The following HS3ST4 variants were observed in gnomAD, a reference collection of about 807,000 sequenced individuals.
HS3ST4 encodes heparan sulfate glucosamine 3-O-sulfotransferase 4.
A neutral mutation model predicts 29.2 loss-of-function variants in HS3ST4; 17 were observed. That is an observed-to-expected ratio of 0.58 (90% CI 0.40 to 0.87). HS3ST4 has a LOEUF of 0.87. Ranked by LOEUF, HS3ST4 falls within the 40% of genes least tolerant of loss-of-function variation. The pLI, the probability that HS3ST4 is intolerant of heterozygous loss-of-function variation, is 0.00. For missense variants in HS3ST4, 627 were observed against 634.5 expected (o/e 0.99, Z 0.13); for synonymous variants, 314 against 285.7 (o/e 1.10, Z -1.00).
chr16:26,084,592 C>T (rs573352139), intron 1 of HS3ST4, among the ~76,000 whole-genome samples: 1 of 152,076 alleles, frequency 6.6e-6, no homozygotes, highest in Non-Finnish European at 1.5e-5. Flanking sequence ...CTTATTGTGC[C>T]AATCAAATGG....
At chr16:25,868,755 C>G (rs74014131) in intron 1 of HS3ST4, among the ~76,000 whole-genome samples, 2,515 of 152,248 alleles carry the variant, frequency 0.017, 72 homozygotes, top group African/African-American at 0.056. Context: ...CCTCGTTAAC[C>G]TGTAGTCATT....
chr16:26,058,807 G>A (rs1898442088), intron 1 of HS3ST4, among the ~76,000 whole-genome samples: 1 of 152,194 alleles, frequency 6.6e-6, no homozygotes, highest in Non-Finnish European at 1.5e-5. Context: ...GCGGAAACAG[G>A]CCCAGAGAGG....
intron 1 of HS3ST4, among the ~76,000 whole-genome samples, chr16:25,949,779 G>C (rs1303992772): frequency 6.6e-6 from 1 of 152,148 alleles, no homozygotes; most frequent in East Asian, 1.9e-4. Context: ...TGGGGAATAA[G>C]GAATTTGATC....
intron 1 of HS3ST4, among the ~76,000 whole-genome samples, chr16:25,827,041 C>T (rs1422921111): frequency 6.6e-6 from 1 of 151,958 alleles, no homozygotes; most frequent in Non-Finnish European, 1.5e-5. Flanking sequence ...TATATGGACT[C>T]AAAGATAGAA....
At position 26,136,805 on chromosome 16, in the gene HS3ST4, C is replaced by A; in HGVS notation, c.*557C>A. The A allele has an allele frequency of 6.4e-6, 1 of 155,364 alleles. No homozygotes were observed. Among genetic ancestry groups the A allele is most frequent in the Non-Finnish European group, 1.4e-5 (1 of 70,012 alleles). The allele number at this position is 155,364 out of a possible 1,614,324, so 9.6% of individuals were successfully genotyped here. On this transcript the variant is annotated 3_prime_UTR_variant, in exon 2 of 2. Transcript: ENST00000331351. ...CTTTAAAGGTCTCATCCCACAACCC[C>A]TGACTTCCTCCCTCCCCACATCATG... is the stretch of plus-strand genomic sequence containing the variant.
intron 1 of HS3ST4, among the ~76,000 whole-genome samples, chr16:26,065,662 C>T (rs1247302756): frequency 6.6e-6 from 1 of 152,004 alleles, no homozygotes; most frequent in Non-Finnish European, 1.5e-5. Flanking sequence ...AAATATGGTC[C>T]AGTAAGTTTG....
chr16:25,851,263 T>A (rs1967519077), intron 1 of HS3ST4, among the ~76,000 whole-genome samples: 1 of 152,218 alleles, frequency 6.6e-6, no homozygotes, highest in Non-Finnish European at 1.5e-5. Context: ...CTGTTTCATT[T>A]TGTGTTTATT....
chr16:25,776,272 A>G (rs573996136), intron 1 of HS3ST4, among the ~76,000 whole-genome samples: 119 of 152,320 alleles, frequency 7.8e-4, no homozygotes, highest in Non-Finnish European at 1.6e-3. Context: ...GTTAAAGGGA[A>G]AAGTCAACCT....
intron 1 of HS3ST4, among the ~76,000 whole-genome samples, chr16:25,892,173 ATG>A (rs1219825506): frequency 6.6e-6 from 1 of 152,132 alleles, no homozygotes; most frequent in Non-Finnish European, 1.5e-5. Context: ...CCTCAAAAGA[ATG>A]TGAGATGAGA....
intron 1 of HS3ST4, among the ~76,000 whole-genome samples, chr16:26,114,260 A>G (rs1899172741): frequency 6.6e-6 from 1 of 152,332 alleles, no homozygotes; most frequent in African/African-American, 2.4e-5. Context: ...TCCAGCCAGC[A>G]GACCCTTCCT....
chr16:25,787,382 G>A (rs576928352), intron 1 of HS3ST4, among the ~76,000 whole-genome samples: 1 of 152,304 alleles, frequency 6.6e-6, no homozygotes, highest in East Asian at 1.9e-4. Context: ...ACCAGCATGG[G>A]GATTAAAAGA....
At chr16:25,944,704 C>CT (rs1344233060) in intron 1 of HS3ST4, among the ~76,000 whole-genome samples, 2 of 152,152 alleles carry the variant, frequency 1.3e-5, no homozygotes, top group African/African-American at 4.8e-5. Context: ...TCCCAAGACT[C>CT]TCCCTCTCTA....
intron 1 of HS3ST4, among the ~76,000 whole-genome samples, chr16:25,992,188 C>T (rs1969120198): frequency 6.6e-6 from 1 of 152,200 alleles, no homozygotes; most frequent in African/African-American, 2.4e-5. Flanking sequence ...ATATTTATGA[C>T]TACCCTTTGA....
chr16:26,131,744 G>A (rs1280050785), intron 1 of HS3ST4, among the ~76,000 whole-genome samples: 1 of 152,174 alleles, frequency 6.6e-6, no homozygotes, highest in Non-Finnish European at 1.5e-5. Flanking sequence ...CCAGGTGAGA[G>A]ATGAAAGTGG....
intron 1 of HS3ST4, among the ~76,000 whole-genome samples, chr16:26,013,820 C>T (rs970124477): frequency 6.6e-6 from 1 of 151,824 alleles, no homozygotes; most frequent in Non-Finnish European, 1.5e-5. Flanking sequence ...CCATCCTGGC[C>T]AACATGGTGA....
chr16:25,979,667 G>A (rs901790325), intron 1 of HS3ST4, among the ~76,000 whole-genome samples: 6 of 152,136 alleles, frequency 3.9e-5, no homozygotes, highest in African/African-American at 7.2e-5. Flanking sequence ...ATATTACAAC[G>A]TAAAATAGAA....
intron 1 of HS3ST4, among the ~76,000 whole-genome samples, chr16:26,021,485 A>G (rs1400591320): frequency 2.0e-5 from 3 of 152,156 alleles, no homozygotes; most frequent in Non-Finnish European, 4.4e-5. Context: ...CAATTACTGC[A>G]TCCTATTATT....
chr16:25,788,544 C>CTTTTTTTT (rs565611368), intron 1 of HS3ST4, among the ~76,000 whole-genome samples: 2 of 123,570 alleles, frequency 1.6e-5, no homozygotes, highest in Non-Finnish European at 3.2e-5. Flanking sequence ...TTTCTTCTTT[C>CTTTTTTTT]TTTTTTTTTT....
At chr16:25,696,115 C>T (rs529168024) in intron 1 of HS3ST4, among the ~76,000 whole-genome samples, 1 of 152,188 alleles carries the variant, frequency 6.6e-6, no homozygotes, top group Non-Finnish European at 1.5e-5. Context: ...GCAAGATAGA[C>T]TAATGGATTG....
Sources: gnomAD v4.1 joint callset for allele counts (sites outside exome capture counted in the v4.1 genomes callset) on GRCh38, gnomAD v4.1.1 for gene constraint, MANE v1.5 for transcripts, NCBI Gene and HGNC (gene_info 2026-07-23, HGNC 2026-07-21) for gene names.